OSBPL10: variants seen among roughly 807,000 people sequenced by gnomAD.
The protein encoded by OSBPL10 is oxysterol-binding protein-related protein 10.
A neutral mutation model predicts 81.7 loss-of-function variants in OSBPL10; 49 were observed. The observed-to-expected ratio is 0.60, with a 90% CI of 0.48 to 0.76. The LOEUF (loss-of-function observed/expected upper bound fraction) is 0.76. OSBPL10 is among the 30% of genes least tolerant of loss of function. The probability of loss-of-function intolerance (pLI) is 0.00; values close to 1 mark genes in which losing one functional copy is unlikely to be tolerated. For missense variants in OSBPL10, 923 were observed against 987.8 expected, an observed-to-expected ratio of 0.93 and a Z score of 0.88; for synonymous variants, 419 against 383.6, an observed-to-expected ratio of 1.09 and a Z score of -1.08.
intron 1 of OSBPL10, among the ~76,000 whole-genome samples, chr3:31,924,307 G>C (rs12487383): frequency 0.069 from 10,554 of 152,116 alleles, 486 homozygotes; most frequent in East Asian, 0.17. Flanking sequence ...AAGGGACTCT[G>C]GAGTGGAAAA....
At chr3:31,672,793 G>A (rs569508882) in intron 8 of OSBPL10, among the ~76,000 whole-genome samples, 1 of 152,224 alleles carries the variant, frequency 6.6e-6, no homozygotes, top group African/African-American at 2.4e-5. Context: ...ATCCCTCCCA[G>A]TGTGGAGGGA....
chr3:31,703,174 T>C (rs1695953197), intron 6 of OSBPL10, among the ~76,000 whole-genome samples: 1 of 152,220 alleles, frequency 6.6e-6, no homozygotes. Flanking sequence ...ATTCCAATTT[T>C]TCACATTACA....
At chr3:31,753,204 T>A (rs988123116) in intron 4 of OSBPL10, among the ~76,000 whole-genome samples, 2 of 130,708 alleles carry the variant, frequency 1.5e-5, no homozygotes, top group Non-Finnish European at 3.3e-5. Context: ...TTTTTTTTTT[T>A]AGACAGAGTT....
intron 1 of OSBPL10, among the ~76,000 whole-genome samples, chr3:31,942,167 C>G (rs1288940400): frequency 6.6e-6 from 1 of 151,902 alleles, no homozygotes; most frequent in East Asian, 1.9e-4. Flanking sequence ...CCCAACTACT[C>G]GGGAGGCTGA....
intron 1 of OSBPL10, among the ~76,000 whole-genome samples, chr3:32,069,992 C>G (rs1699814196): frequency 1.3e-5 from 2 of 152,234 alleles, no homozygotes; most frequent in African/African-American, 4.8e-5. Context: ...CACATCGCCG[C>G]TGCTTCTAAA....
intron 1 of OSBPL10, among the ~76,000 whole-genome samples, chr3:31,936,359 C>T (rs1697380123): frequency 6.6e-6 from 1 of 152,164 alleles, no homozygotes; most frequent in Non-Finnish European, 1.5e-5. Context: ...AATGACTGTC[C>T]TTTGAAACCT....
chr3:31,737,076 G>C lies in OSBPL10; in HGVS notation c.941-3665C>G, dbSNP rs544063904. Among the ~76,000 whole-genome samples, 9 of 152,292 alleles carry C rather than the reference G, an allele frequency of 5.9e-5. No individual in the cohort carries two copies. In the East Asian group the frequency reaches 1.4e-3, roughly 23 times the overall value. Reference sequence around the variant, plus strand: ...GTGGAGTCTGAACTGGCAGTGGTAGGCTGTATCTTGGGATAGACAAAGACC... The same window carrying C: ...GTGGAGTCTGAACTGGCAGTGGTAGCCTGTATCTTGGGATAGACAAAGACC... On this transcript the variant is annotated intron_variant, in intron 5 of 11. Coordinates refer to ENST00000396556, the MANE Select transcript of OSBPL10 (RefSeq NM_017784.5).
rs1364180522 is a variant in OSBPL10 at position 31,686,354 on chromosome 3, G to T, written c.1246-2240C>A. Among the ~76,000 whole-genome samples the T allele has an allele frequency of 2.6e-5, 4 of 152,204 alleles. No homozygotes were observed. The East Asian group carries it at 7.7e-4, about 29-fold the overall frequency. Reference sequence around the variant, plus strand: ...GAAATTTCAGAGGAAACTAGAAAAAGCCCCATCTGCTAGAGAGGTAAAGCT... The same window carrying T: ...GAAATTTCAGAGGAAACTAGAAAAATCCCCATCTGCTAGAGAGGTAAAGCT... On this transcript the variant is annotated intron_variant, in intron 7 of 11. Coordinates refer to ENST00000396556, the MANE Select transcript of OSBPL10 (RefSeq NM_017784.5).
chr3:31,782,376 G>C (rs1698718350), intron 4 of OSBPL10, among the ~76,000 whole-genome samples: 1 of 152,084 alleles, frequency 6.6e-6, no homozygotes, highest in Non-Finnish European at 1.5e-5. Flanking sequence ...CATTAGCTTA[G>C]GCAAAGAGTT....
At chr3:32,014,218 C>G (rs1368571267) in intron 2 of OSBPL10, among the ~76,000 whole-genome samples, 1 of 152,174 alleles carries the variant, frequency 6.6e-6, no homozygotes. Flanking sequence ...CAAACTGAAT[C>G]CAGCAGCACA....
chr3:31,686,128 G>A (rs554273452), intron 7 of OSBPL10, among the ~76,000 whole-genome samples: 7 of 152,150 alleles, frequency 4.6e-5, no homozygotes, highest in Non-Finnish European at 5.9e-5. Context: ...TTTCTGCCAC[G>A]TTTTGACCCA....
intron 4 of OSBPL10, among the ~76,000 whole-genome samples, chr3:31,801,137 TACTG>T (rs1699367803): frequency 6.6e-6 from 1 of 152,180 alleles, no homozygotes; most frequent in East Asian, 1.9e-4. Context: ...AGTCCCTGGA[TACTG>T]ACTGTCAGGT....
intron 1 of OSBPL10, among the ~76,000 whole-genome samples, chr3:31,941,027 T>G (rs1231980305): frequency 1.3e-5 from 2 of 152,162 alleles, no homozygotes; most frequent in Admixed American, 1.3e-4. Flanking sequence ...AGTTATTTGC[T>G]GAGGGTGTGC....
chr3:31,947,887 G>A (rs1046354942), intron 1 of OSBPL10, among the ~76,000 whole-genome samples: 2 of 151,130 alleles, frequency 1.3e-5, no homozygotes, highest in Non-Finnish European at 2.9e-5. Context: ...GTTGAGATAA[G>A]CCCAGCCTCC....
chr3:31,768,052 T>C (rs1313977545), intron 4 of OSBPL10, among the ~76,000 whole-genome samples: 2 of 152,216 alleles, frequency 1.3e-5, no homozygotes, highest in East Asian at 1.9e-4. Context: ...AAGAGACAGA[T>C]TGTTCATGAG....
intron 1 of OSBPL10, among the ~76,000 whole-genome samples, chr3:31,897,764 C>T (rs2125670831): frequency 6.6e-6 from 1 of 152,146 alleles, no homozygotes; most frequent in East Asian, 1.9e-4. Context: ...AATCCCAGCA[C>T]TTTGGGAGGC....
intron 4 of OSBPL10, among the ~76,000 whole-genome samples, chr3:31,804,518 G>A (rs1699475749): frequency 2.0e-5 from 3 of 152,132 alleles, no homozygotes; most frequent in Non-Finnish European, 2.9e-5. Flanking sequence ...AACAATGAAG[G>A]AGACCCGTAT....
At chr3:31,736,954 G>A (rs192254047) in intron 5 of OSBPL10, among the ~76,000 whole-genome samples, 68 of 152,268 alleles carry the variant, frequency 4.5e-4, no homozygotes, top group Admixed American at 2.9e-3. Context: ...TCAGGACAAC[G>A]TTCCCTCCAT....
chr3:31,830,184 T>C lies in OSBPL10; in HGVS notation c.585A>G (p.Gly195=). 6.2e-7 allele frequency: 1 copy of C among 1,614,102 alleles called. No individual in the cohort carries two copies. The highest frequency in any genetic ancestry group is 8.5e-7 in the Non-Finnish European group (1 of 1,179,984). Residue 195 remains glycine (G), a synonymous_variant, in exon 4 of 12, where the codon GGA becomes GGG. Coordinates refer to ENST00000396556, the MANE Select transcript of OSBPL10 (RefSeq NM_017784.5). The stretch of plus-strand genomic sequence containing the variant: ...TACAGGGAGACGCAGAATTGGGTGT[T>C]CCATGTGGGAGCAAAGTGAGACTTC... ...RSRSLTLLPH[G]TPNSASPCSQ... is the part of the protein sequence containing the mutation.
Sources: allele counts gnomAD v4.1 joint callset (sites outside exome capture counted in the v4.1 genomes callset), GRCh38; gene constraint gnomAD v4.1.1; transcripts MANE v1.5; gene names NCBI Gene and HGNC (gene_info 2026-07-23, HGNC 2026-07-21).